BNC2: variants seen among roughly 807,000 people sequenced by gnomAD.
The protein encoded by BNC2 is basonuclin zinc finger protein 2.
BNC2 carries 20 observed loss-of-function variants against 76.3 expected under a neutral mutation model. The ratio of observed to expected loss-of-function variants is 0.26; its 90% CI spans 0.18 to 0.38. The LOEUF is 0.38. BNC2 is among the 10% of genes least tolerant of loss of function. The probability of loss-of-function intolerance (pLI) is 1.00; values close to 1 mark genes in which losing one functional copy is unlikely to be tolerated. For missense variants in BNC2, 1,382 were observed against 1,399.8 expected, an observed-to-expected ratio of 0.99 and a Z score of 0.20; for synonymous variants, 582 against 514.8, an observed-to-expected ratio of 1.13 and a Z score of -1.77.
intron 3 of BNC2, among the ~76,000 whole-genome samples, chr9:16,652,942 G>C (rs1821832801): frequency 6.6e-6 from 1 of 152,070 alleles, no homozygotes; most frequent in Non-Finnish European, 1.5e-5. Flanking sequence ...ACTTCCTCAA[G>C]GGCACCCTGT....
chr9:16,583,149 T>C (rs1323410325), intron 3 of BNC2, 64 bp from the exon 4 acceptor site: 4 of 1,307,060 alleles, frequency 3.1e-6, no homozygotes, highest in East Asian at 2.3e-5. Flanking sequence ...CTTTTCACCA[T>C]TTCAATAAAT....
At chr9:16,651,051 C>T (rs1009017804) in intron 3 of BNC2, among the ~76,000 whole-genome samples, 13 of 152,154 alleles carry the variant, frequency 8.5e-5, no homozygotes, top group Non-Finnish European at 1.8e-4. Flanking sequence ...ATGCCACCCA[C>T]TCATCCTATT....
At chr9:16,698,144 G>T (rs1823393494) in intron 3 of BNC2, among the ~76,000 whole-genome samples, 1 of 152,232 alleles carries the variant, frequency 6.6e-6, no homozygotes, top group Admixed American at 6.5e-5. Flanking sequence ...AATTGCTACA[G>T]AAACCATACA....
In BNC2 at chr9:16,435,999, T is replaced by A. The variant is rs779990518; in HGVS notation, c.2195A>T (p.Lys732Ile). The change falls in exon 6 of 7, where the codon AAA becomes ATA. Residue 732 changes from lysine to isoleucine, a missense_variant. Lys to Ile is a moderately radical substitution (Grantham distance 102, BLOSUM62 -3). This residue lies in a region of BNC2 where 798 missense variants were observed against 775.5 expected (regional missense o/e 1.03). Transcript: ENST00000380672. ...YENESESSEP[K>I]LGEESMEGDE... ...CCCTTCCATGGATTCCTCGCCCAGT[T>A]TGGGCTCCGAAGACTCAGACTCGTT... 4 of 1,614,064 alleles carry A rather than the reference T, an allele frequency of 2.5e-6. No individual in the cohort carries two copies. Among genetic ancestry groups the A allele is most frequent in the Non-Finnish European group, 3.4e-6 (4 of 1,180,042 alleles).
chr9:16,862,548 C>A (rs1430565822), intron 1 of BNC2, among the ~76,000 whole-genome samples: 1 of 152,192 alleles, frequency 6.6e-6, no homozygotes, highest in Non-Finnish European at 1.5e-5. Context: ...TAACAGGCAA[C>A]AGTACAACTG....
At chr9:16,461,294 T>G (rs549212118) in intron 5 of BNC2, among the ~76,000 whole-genome samples, 1 of 152,270 alleles carries the variant, frequency 6.6e-6, no homozygotes, top group East Asian at 1.9e-4. Flanking sequence ...TGTGCACGTG[T>G]GGAGAAACCA....
chr9:16,529,990 G>A (rs1302450103), intron 5 of BNC2, among the ~76,000 whole-genome samples: 1 of 152,002 alleles, frequency 6.6e-6, no homozygotes, highest in Non-Finnish European at 1.5e-5. Context: ...TGGGATTACA[G>A]GTACGGACCA....
intron 3 of BNC2, among the ~76,000 whole-genome samples, chr9:16,712,892 C>G (rs914761845): frequency 6.6e-6 from 1 of 152,186 alleles, no homozygotes; most frequent in African/African-American, 2.4e-5. Flanking sequence ...ACTAGTCCGT[C>G]AAATTCCATC....
rs545856914 is a variant in BNC2, at chr9:16,757,272, G to C, written c.4-18787C>G. On this transcript the variant is annotated intron_variant, in intron 1 of 6. Coordinates refer to ENST00000380672, the MANE Select transcript of BNC2 (RefSeq NM_017637.6). ...ACCTAATTTATTATACGTATTTACA[G>C]TGATCTTAAATCTCTTGCTATATGG... 5.1e-4 allele frequency among the ~76,000 whole-genome samples: 77 copies of C among 152,310 alleles called. 1 individual carries two copies. The highest frequency in any genetic ancestry group is 1.8e-3 in the Admixed American group (27 of 15,292).
At chr9:16,485,882 C>G (rs1250258855) in intron 5 of BNC2, among the ~76,000 whole-genome samples, 1 of 152,140 alleles carries the variant, frequency 6.6e-6, no homozygotes, top group African/African-American at 2.4e-5. Context: ...ATTTGTACCC[C>G]CAAGGGTACA....
chr9:16,577,399 T>A (rs1338899836), intron 4 of BNC2, among the ~76,000 whole-genome samples: 1 of 152,244 alleles, frequency 6.6e-6, no homozygotes, highest in East Asian at 1.9e-4. Context: ...TAATGGGTTA[T>A]ATGCATATTA....
At chr9:16,518,747 C>T (rs1036442819) in intron 5 of BNC2, among the ~76,000 whole-genome samples, 1 of 152,104 alleles carries the variant, frequency 6.6e-6, no homozygotes, top group African/African-American at 2.4e-5. Context: ...ACTACAGGTG[C>T]CCACCACCAT....
intron 5 of BNC2, among the ~76,000 whole-genome samples, chr9:16,486,055 A>G (rs749990409): frequency 1.1e-4 from 17 of 152,098 alleles, no homozygotes; most frequent in Admixed American, 3.3e-4. Flanking sequence ...AATCACCCCA[A>G]AGCACTCAAG....
chr9:16,631,419 T>C (rs2133740758), intron 3 of BNC2, among the ~76,000 whole-genome samples: 1 of 152,280 alleles, frequency 6.6e-6, no homozygotes, highest in East Asian at 1.9e-4. Flanking sequence ...TGGAGTAGTA[T>C]ATAACACCAT....
intron 3 of BNC2, among the ~76,000 whole-genome samples, chr9:16,642,079 A>G (rs1249700940): frequency 2.0e-5 from 3 of 152,220 alleles, no homozygotes; most frequent in Non-Finnish European, 4.4e-5. Flanking sequence ...ATAAGCCAAA[A>G]TAAGTAGTGA....
chr9:16,783,549 T>C (rs1361748682), intron 1 of BNC2, among the ~76,000 whole-genome samples: 2 of 152,202 alleles, frequency 1.3e-5, no homozygotes, highest in Non-Finnish European at 2.9e-5. Context: ...GTCTAATGAT[T>C]AAACAATTTT....
At chr9:16,854,319 C>A (rs1449773528) in intron 1 of BNC2, among the ~76,000 whole-genome samples, 1 of 152,156 alleles carries the variant, frequency 6.6e-6, no homozygotes, top group Non-Finnish European at 1.5e-5. Flanking sequence ...ACACAATGTA[C>A]AGAATTATTA....
chr9:16,624,977 A>G (rs1820954034), intron 3 of BNC2, among the ~76,000 whole-genome samples: 1 of 152,238 alleles, frequency 6.6e-6, no homozygotes, highest in African/African-American at 2.4e-5. Context: ...CTCGCATGTA[A>G]TAGCAGGCAG....
intron 4 of BNC2, among the ~76,000 whole-genome samples, chr9:16,558,302 G>A (rs1818901247): frequency 6.6e-6 from 1 of 152,174 alleles, no homozygotes; most frequent in Non-Finnish European, 1.5e-5. Context: ...AGAACTACTG[G>A]GAATTTCTTC....
Sources: gnomAD v4.1 joint callset for allele counts (sites outside exome capture counted in the v4.1 genomes callset) on GRCh38, gnomAD v4.1.1 for gene constraint, gnomAD v4.1.1 regional missense constraint, MANE v1.5 for transcripts, NCBI Gene and HGNC (gene_info 2026-07-23, HGNC 2026-07-21) for gene names.